The following TRAF3IP1 variants were observed in gnomAD, a reference collection of about 807,000 sequenced individuals.
The protein encoded by TRAF3IP1 is TRAF3-interacting protein 1.
TRAF3IP1 carries 53 observed loss-of-function variants against 89.9 expected under a neutral mutation model. That is an observed-to-expected ratio of 0.59 (90% CI 0.47 to 0.74). TRAF3IP1 has a LOEUF of 0.74. Among genes scored for constraint, TRAF3IP1 ranks in the 30% least tolerant of loss-of-function variants. The pLI, the probability that TRAF3IP1 is intolerant of heterozygous loss-of-function variation, is 0.00. For synonymous variants in TRAF3IP1, 311 were observed against 322.1 expected (o/e 0.97, Z 0.37); for missense variants, 806 against 866.1 (o/e 0.93, Z 0.87).
intron 1 of TRAF3IP1, 89 bp from the exon 2 acceptor site, chr2:238,325,217 G>A (rs1697761867): frequency 1.6e-6 from 2 of 1,264,862 alleles, no homozygotes; most frequent in Non-Finnish European, 2.3e-6. Flanking sequence ...AGTCAATTCT[G>A]ACATCTCCCA....
intron 12 of TRAF3IP1, among the ~76,000 whole-genome samples, chr2:238,352,589 C>T (rs1282081733): frequency 2.0e-5 from 3 of 150,358 alleles, no homozygotes; most frequent in Non-Finnish European, 4.4e-5. Flanking sequence ...AGCACAGGGA[C>T]GTGGGGAAGC....
chr2:238,382,830 C>T (rs1056800095), intron 15 of TRAF3IP1, among the ~76,000 whole-genome samples: 1 of 152,028 alleles, frequency 6.6e-6, no homozygotes, highest in Non-Finnish European at 1.5e-5. Flanking sequence ...CCACCCTCTC[C>T]TGCCTTCATC....
intron 15 of TRAF3IP1, among the ~76,000 whole-genome samples, chr2:238,368,558 G>A (rs1422429104): frequency 6.6e-6 from 1 of 151,990 alleles, no homozygotes; most frequent in Non-Finnish European, 1.5e-5. Context: ...TGAAGGGCTT[G>A]TATTATACCA....
intron 6 of TRAF3IP1, 57 bp from the exon 7 acceptor site, chr2:238,333,903 T>G: frequency 7.2e-7 from 1 of 1,391,144 alleles, no homozygotes; most frequent in East Asian, 2.3e-5. Context: ...ATAAACCTGC[T>G]TATGATACTG....
In TRAF3IP1 at chr2:238,329,341, AGG is replaced by A. The variant is rs770175452; in HGVS notation, c.915_915+1del. ...AGAGAGCATGACAAACCTGAGAAAA[AGG>A]TAAAGTCTTGCTGAGAACCTCGCCT... On this transcript the variant is annotated splice_donor_variant and coding_sequence_variant, in exon 5 of 17. Coordinates refer to ENST00000373327, the MANE Select transcript of TRAF3IP1 (RefSeq NM_015650.4). LOFTEE classifies it high-confidence loss of function. 1 of 1,355,872 alleles carries A rather than the reference AGG, an allele frequency of 7.4e-7. No homozygotes were observed. The highest frequency in any genetic ancestry group is 2.6e-5 in the South Asian group (1 of 38,812). The allele number at this position is 1,355,872 out of a possible 1,614,324, so 84.0% of individuals were successfully genotyped here.
intron 1 of TRAF3IP1, among the ~76,000 whole-genome samples, chr2:238,324,059 T>C (rs1396241456): frequency 1.2e-4 from 18 of 152,006 alleles, no homozygotes. Context: ...GGTTGAGAAA[T>C]TCCTTTTCTT....
At chr2:238,395,921 A>C (rs1701194737) in intron 15 of TRAF3IP1, among the ~76,000 whole-genome samples, 1 of 152,196 alleles carries the variant, frequency 6.6e-6, no homozygotes, top group Non-Finnish European at 1.5e-5. Flanking sequence ...ACACTTTTAC[A>C]CTGTTGGTGG....
chr2:238,363,484 T>G (rs1464685036), intron 15 of TRAF3IP1, among the ~76,000 whole-genome samples: 1 of 152,216 alleles, frequency 6.6e-6, no homozygotes, highest in Non-Finnish European at 1.5e-5. Context: ...TTTTTAAAAG[T>G]CTTTTTAATG....
intron 5 of TRAF3IP1, among the ~76,000 whole-genome samples, chr2:238,330,167 G>A (rs148119408): frequency 5.3e-4 from 80 of 152,282 alleles, no homozygotes; most frequent in African/African-American, 1.8e-3. Context: ...TTGTGCATGT[G>A]GTGTCTTTAG....
At chr2:238,340,585 A>G (rs562259784) in intron 8 of TRAF3IP1, among the ~76,000 whole-genome samples, 1 of 152,312 alleles carries the variant, frequency 6.6e-6, no homozygotes, top group South Asian at 2.1e-4. Flanking sequence ...GCTGTAAGGC[A>G]TGCTTTGTTC....
intron 15 of TRAF3IP1, among the ~76,000 whole-genome samples, chr2:238,356,391 G>A (rs1421498783): frequency 6.6e-6 from 1 of 152,168 alleles, no homozygotes; most frequent in Non-Finnish European, 1.5e-5. Context: ...CAGCTACTTG[G>A]GGGGCTGAGG....
chr2:238,392,233 A>G (rs1308563622), intron 15 of TRAF3IP1, among the ~76,000 whole-genome samples: 3 of 152,144 alleles, frequency 2.0e-5, no homozygotes, highest in African/African-American at 7.2e-5. Flanking sequence ...GAAATAATAG[A>G]GATATACTGT....
chr2:238,325,401 T>C, intron 2 of TRAF3IP1, 27 bp downstream of exon 2: 1 of 1,613,052 alleles, frequency 6.2e-7, no homozygotes, highest in Non-Finnish European at 8.5e-7. Context: ...CTTCTCCTAT[T>C]GACTCCTCGC....
chr2:238,334,453 T>C (rs1698288116), intron 7 of TRAF3IP1, among the ~76,000 whole-genome samples: 1 of 152,224 alleles, frequency 6.6e-6, no homozygotes. Flanking sequence ...AAATTATGAT[T>C]GGAAGCCATG....
intron 14 of TRAF3IP1, among the ~76,000 whole-genome samples, chr2:238,355,220 T>C (rs1699355218): frequency 6.6e-6 from 1 of 152,088 alleles, no homozygotes; most frequent in Non-Finnish European, 1.5e-5. Context: ...TGACCCGTCT[T>C]CTCTACCCTC....
chr2:238,344,220 G>T (rs1253325131), intron 8 of TRAF3IP1, among the ~76,000 whole-genome samples: 1 of 152,124 alleles, frequency 6.6e-6, no homozygotes, highest in Non-Finnish European at 1.5e-5. Flanking sequence ...CTCCAGAAAT[G>T]GGGGGCGGGG....
At chr2:238,356,800 G>A (rs1005656393) in intron 15 of TRAF3IP1, among the ~76,000 whole-genome samples, 1 of 148,784 alleles carries the variant, frequency 6.7e-6, no homozygotes, top group Non-Finnish European at 1.5e-5. Context: ...TTTTTTTGAG[G>A]TAGAGTCTCG....
At chr2:238,335,771 TTTA>T (rs1405415831) in intron 7 of TRAF3IP1, among the ~76,000 whole-genome samples, 2,359 of 12,522 alleles carry the variant, frequency 0.19, 44 homozygotes, top group East Asian at 0.45. Context: ...TTTTATTTTA[TTTA>T]TTTATTTATT....
chr2:238,355,598 G>A (rs1699371890), intron 14 of TRAF3IP1, among the ~76,000 whole-genome samples: 1 of 152,252 alleles, frequency 6.6e-6, no homozygotes, highest in South Asian at 2.1e-4. Context: ...TATCCCATGA[G>A]TAAATTCTGA....
Sources: gnomAD v4.1 joint callset for allele counts (sites outside exome capture counted in the v4.1 genomes callset) on GRCh38, gnomAD v4.1.1 for gene constraint, MANE v1.5 for transcripts, NCBI Gene and HGNC (gene_info 2026-07-23, HGNC 2026-07-21) for gene names.